The following FLI1 variants were observed in gnomAD, a reference collection of about 807,000 sequenced individuals.
The protein encoded by FLI1 is Friend leukemia integration 1 transcription factor.
A neutral mutation model predicts 53.1 loss-of-function variants in FLI1; 13 were observed. The observed-to-expected ratio is 0.24, with a 90% CI of 0.16 to 0.39. The LOEUF (loss-of-function observed/expected upper bound fraction) is 0.39, where lower values mean the gene tolerates loss of function less well. FLI1 is among the 10% of genes least tolerant of loss of function. FLI1 has a pLI of 1.00. For missense variants in FLI1, 424 were observed against 600.5 expected (o/e 0.71, Z 3.07); for synonymous variants, 244 against 236.7 (o/e 1.03, Z -0.28).
upstream of FLI1, among the ~76,000 whole-genome samples, chr11:128,689,062 A>G (rs1237995738): frequency 6.6e-6 from 1 of 152,130 alleles, no homozygotes; most frequent in Non-Finnish European, 1.5e-5. Flanking sequence ...CAGCCCTTTG[A>G]GATAAGTCCT....
At chr11:128,726,467 T>G (rs1939484641) in intron 1 of FLI1, among the ~76,000 whole-genome samples, 1 of 152,036 alleles carries the variant, frequency 6.6e-6, no homozygotes, top group African/African-American at 2.4e-5. Flanking sequence ...TCATCAAAGA[T>G]GAAGACTGGA....
At chr11:128,805,487 G>A (rs1023325252) in intron 6 of FLI1, 56 bp downstream of exon 6, 5 of 1,097,740 alleles carry the variant, frequency 4.6e-6, no homozygotes. Context: ...GGACAGGATT[G>A]GAGAACAGGA....
At chr11:128,757,048 CTTTCTTTCTT>C (rs1940900855) in intron 1 of FLI1, among the ~76,000 whole-genome samples, 1 of 49,182 alleles carries the variant, frequency 2.0e-5, no homozygotes, top group Non-Finnish European at 4.2e-5. Flanking sequence ...CTAATTTTTT[CTTTCTTTCTT>C]TCTTTCTTTC....
chr11:128,799,037 A>ATTTTTTTTTTTTTTTTTTTTTT (rs201505573), intron 5 of FLI1, among the ~76,000 whole-genome samples: 1 of 130,804 alleles, frequency 7.6e-6, no homozygotes, highest in African/African-American at 2.8e-5. Context: ...TATTATTATT[A>ATTTTTTTTTTTTTTTTTTTTTT]TTATTATTAT....
At chr11:128,761,992 G>A (rs1941139280) in intron 2 of FLI1, among the ~76,000 whole-genome samples, 1 of 152,068 alleles carries the variant, frequency 6.6e-6, no homozygotes, top group South Asian at 2.1e-4. Context: ...AAGCAGCTTA[G>A]GCACAGCTAT....
chr11:128,743,492 G>T (rs1265997621), intron 1 of FLI1, among the ~76,000 whole-genome samples: 1 of 152,052 alleles, frequency 6.6e-6, no homozygotes, highest in African/African-American at 2.4e-5. Flanking sequence ...CGGGACAAAG[G>T]AGCTCAGAAA....
chr11:128,693,884 G>T, upstream of FLI1: 1 of 258,624 alleles, frequency 3.9e-6, no homozygotes, highest in Non-Finnish European at 7.4e-6. Context: ...GGGGGTGTGG[G>T]GGGGGAGGGA....
chr11:128,746,801 A>G (rs558911401), intron 1 of FLI1, among the ~76,000 whole-genome samples: 25 of 152,306 alleles, frequency 1.6e-4, no homozygotes, highest in African/African-American at 5.8e-4. Flanking sequence ...GAAAGCATGA[A>G]ACTTTCAGTA....
At position 128,812,575 on chromosome 11, in the gene FLI1, G is replaced by A. The variant is rs1942960978; in HGVS notation, c.*1587G>A. On this transcript the variant is annotated 3_prime_UTR_variant, in exon 9 of 9. Transcript: ENST00000527786. ...ATCAGTGTGGTTTTTCATTGTTGTT[G>A]ATGATGTTTGTAGTGTTTTTGTGTG... The A allele has an allele frequency of 4.5e-6, 1 of 223,990 alleles. No homozygotes were observed. Among genetic ancestry groups the A allele is most frequent in the African/African-American group, 2.2e-5 (1 of 44,998 alleles). The allele number at this position is 223,990 out of a possible 1,614,324, so 13.9% of individuals were successfully genotyped here.
At chr11:128,802,755 C>A (rs68032085) in intron 5 of FLI1, among the ~76,000 whole-genome samples, 4,445 of 152,352 alleles carry the variant, frequency 0.029, 72 homozygotes, top group Middle Eastern at 0.068. Flanking sequence ...CAAGCCACTG[C>A]TCTGATAAGG....
At chr11:128,800,183 A>T (rs1013492776) in intron 5 of FLI1, among the ~76,000 whole-genome samples, 2 of 152,194 alleles carry the variant, frequency 1.3e-5, no homozygotes, top group African/African-American at 4.8e-5. Context: ...TGCTGGGAGC[A>T]TGAGCAGCCT....
chr11:128,772,482 T>C (rs1413375556), intron 3 of FLI1, among the ~76,000 whole-genome samples: 1 of 152,236 alleles, frequency 6.6e-6, no homozygotes, highest in African/African-American at 2.4e-5. Flanking sequence ...GTGTTTATTT[T>C]CATTTTGATG....
At chr11:128,779,572 A>G (rs1565496431) in intron 4 of FLI1, among the ~76,000 whole-genome samples, 1 of 152,226 alleles carries the variant, frequency 6.6e-6, no homozygotes, top group African/African-American at 2.4e-5. Context: ...GCTAGCATTT[A>G]TGGAACACTT....
At chr11:128,740,948 C>T (rs1389404996) in intron 1 of FLI1, among the ~76,000 whole-genome samples, 1 of 152,336 alleles carries the variant, frequency 6.6e-6, no homozygotes, top group East Asian at 1.9e-4. Flanking sequence ...ATCCCGTTCT[C>T]ATGCCAACGT....
chr11:128,732,100 CT>C (rs1939725634), intron 1 of FLI1, among the ~76,000 whole-genome samples: 1 of 152,160 alleles, frequency 6.6e-6, no homozygotes, highest in Non-Finnish European at 1.5e-5. Flanking sequence ...GTGACTCCAG[CT>C]TTACTAAACA....
intron 1 of FLI1, among the ~76,000 whole-genome samples, chr11:128,731,510 G>GA (rs771428318): frequency 2.0e-5 from 3 of 149,148 alleles, no homozygotes; most frequent in South Asian, 2.1e-4. Context: ...GGCCGTGTCA[G>GA]AAAAAACAAA....
chr11:128,800,273 C>A (rs1942590991), intron 5 of FLI1, among the ~76,000 whole-genome samples: 1 of 152,190 alleles, frequency 6.6e-6, no homozygotes, highest in South Asian at 2.1e-4. Flanking sequence ...TGCCAGCCTT[C>A]TTAGCAGCAA....
rs995750145 is a variant in FLI1, at chr11:128,802,371, G to A, written c.656-2995G>A. 2.0e-5 allele frequency among the ~76,000 whole-genome samples: 3 copies of A among 152,190 alleles called. No homozygotes were observed. In the East Asian group the frequency reaches 5.8e-4, roughly 29 times the overall value. The stretch of plus-strand genomic sequence containing the variant: ...CTCAGGCTGTCCTTTGTGCAGCCAG[G>A]TACCAGTGGGAAGATTTTCCATGCA... On this transcript the variant is annotated intron_variant, in intron 5 of 8. Transcript: ENST00000527786.
intron 5 of FLI1, among the ~76,000 whole-genome samples, chr11:128,802,031 G>A (rs1942649688): frequency 6.6e-6 from 1 of 152,130 alleles, no homozygotes; most frequent in Non-Finnish European, 1.5e-5. Context: ...CATGTTTCTG[G>A]GTCTGAATAT....
Sources: allele counts gnomAD v4.1 joint callset (sites outside exome capture counted in the v4.1 genomes callset), GRCh38; gene constraint gnomAD v4.1.1; transcripts MANE v1.5; gene names NCBI Gene and HGNC (gene_info 2026-07-23, HGNC 2026-07-21).